Variants in PLEKHA5 observed in about 807,000 individuals in gnomAD.
PLEKHA5 encodes the protein pleckstrin homology domain-containing family A member 5.
A neutral mutation model predicts 181.9 loss-of-function variants in PLEKHA5; 55 were observed. The ratio of observed to expected loss-of-function variants is 0.30; its 90% CI spans 0.24 to 0.38. PLEKHA5 has a LOEUF of 0.38. Among genes scored for constraint, PLEKHA5 ranks in the 10% least tolerant of loss-of-function variants. PLEKHA5 has a pLI of 1.00. For synonymous variants in PLEKHA5, 535 were observed against 529.4 expected (o/e 1.01, Z -0.15); for missense variants, 1,432 against 1,549.5 (o/e 0.92, Z 1.27).
At chr12:19,225,059 G>A (rs2059505063) in intron 3 of PLEKHA5, among the ~76,000 whole-genome samples, 2 of 152,138 alleles carry the variant, frequency 1.3e-5, no homozygotes, top group South Asian at 4.1e-4. Flanking sequence ...GCCACAACGG[G>A]ATGGCAGTTT....
intron 3 of PLEKHA5, among the ~76,000 whole-genome samples, chr12:19,221,955 T>A (rs1316116648): frequency 6.6e-6 from 1 of 152,040 alleles, no homozygotes; most frequent in Non-Finnish European, 1.5e-5. Context: ...CAATTGACTT[T>A]AGTTAATTTT....
chr12:19,165,551 T>C (rs2044150486), intron 3 of PLEKHA5, among the ~76,000 whole-genome samples: 1 of 151,946 alleles, frequency 6.6e-6, no homozygotes, highest in Admixed American at 6.6e-5. Flanking sequence ...TTTTAGAGAG[T>C]GTTTATTTAA....
chr12:19,250,274 A>G (rs1592202937), intron 3 of PLEKHA5, among the ~76,000 whole-genome samples: 2 of 152,168 alleles, frequency 1.3e-5, no homozygotes, highest in South Asian at 4.1e-4. Flanking sequence ...CTGTGACCAT[A>G]GGTATGTATT....
At chr12:19,339,234 T>G (rs1388099211) in intron 21 of PLEKHA5, among the ~76,000 whole-genome samples, 1 of 152,048 alleles carries the variant, frequency 6.6e-6, no homozygotes, top group Non-Finnish European at 1.5e-5. Context: ...AGAGACAAGG[T>G]TTCACCATGT....
chr12:19,308,362 G>A (rs1410670483), intron 15 of PLEKHA5, among the ~76,000 whole-genome samples: 1 of 152,114 alleles, frequency 6.6e-6, no homozygotes, highest in African/African-American at 2.4e-5. Context: ...GTTATTAATG[G>A]TTATAAAGCT....
At chr12:19,215,865 C>CA (rs919877103) in intron 3 of PLEKHA5, among the ~76,000 whole-genome samples, 84 of 152,218 alleles carry the variant, frequency 5.5e-4, no homozygotes, top group African/African-American at 2.0e-3. Context: ...CCCCAACTTA[C>CA]AAATAAGATG....
At chr12:19,254,046 T>G in intron 4 of PLEKHA5, 23 bp downstream of exon 4, 1 of 1,376,756 alleles carries the variant, frequency 7.3e-7, no homozygotes, top group African/African-American at 1.4e-5. Context: ...TTTCATGGAA[T>G]GCCTGTATTC....
At chr12:19,132,773 C>CTTTTTTTTTTT (rs59992820) in intron 3 of PLEKHA5, among the ~76,000 whole-genome samples, 1 of 112,122 alleles carries the variant, frequency 8.9e-6, no homozygotes, top group Non-Finnish European at 1.7e-5. Context: ...CCACAATTAC[C>CTTTTTTTTTTT]TTTTTTTTTT....
intron 3 of PLEKHA5, among the ~76,000 whole-genome samples, chr12:19,171,288 A>C (rs2045832904): frequency 6.6e-6 from 1 of 152,192 alleles, no homozygotes; most frequent in African/African-American, 2.4e-5. Flanking sequence ...GGACTGAGGA[A>C]GATGAAGATA....
chr12:19,368,991 GA>G (rs1347290489), intron 30 of PLEKHA5, among the ~76,000 whole-genome samples: 12 of 148,730 alleles, frequency 8.1e-5, no homozygotes, highest in East Asian at 2.0e-4. Context: ...CCTCAAAGCA[GA>G]AAAAAAAAAT....
intron 20 of PLEKHA5, among the ~76,000 whole-genome samples, chr12:19,327,944 TA>T (rs2092408851): frequency 6.6e-6 from 1 of 152,140 alleles, no homozygotes. Context: ...CATGCCTGGC[TA>T]AAGGATTCTT....
At chr12:19,164,197 GTT>G (rs59712166) in intron 3 of PLEKHA5, among the ~76,000 whole-genome samples, 1,003 of 92,850 alleles carry the variant, frequency 0.011, no homozygotes, top group Non-Finnish European at 0.016. Flanking sequence ...AGATGTTTTT[GTT>G]TTTTTTTTTT....
chr12:19,368,490 T>C (rs925569163), intron 30 of PLEKHA5, among the ~76,000 whole-genome samples: 1 of 151,932 alleles, frequency 6.6e-6, no homozygotes, highest in Admixed American at 6.6e-5. Flanking sequence ...AGCAAGACCC[T>C]GTCTCAAAAA....
At chr12:19,369,202 T>C (rs372145636) in intron 30 of PLEKHA5, among the ~76,000 whole-genome samples, 32 of 151,950 alleles carry the variant, frequency 2.1e-4, no homozygotes, top group African/African-American at 7.7e-4. Flanking sequence ...GTCTGACTAA[T>C]TTTTGTATTT....
intron 3 of PLEKHA5, among the ~76,000 whole-genome samples, chr12:19,182,935 C>T (rs1357753958): frequency 1.3e-5 from 2 of 152,282 alleles, no homozygotes; most frequent in Admixed American, 6.5e-5. Flanking sequence ...AATGTTTAAA[C>T]GTCCCACAAA....
intron 3 of PLEKHA5, among the ~76,000 whole-genome samples, chr12:19,251,279 G>A (rs995250633): frequency 2.0e-5 from 3 of 151,714 alleles, no homozygotes; most frequent in African/African-American, 4.8e-5. Flanking sequence ...GGTGACACAC[G>A]CTCGTAATCC....
chr12:19,257,935 T>C (rs2067292401), intron 6 of PLEKHA5, among the ~76,000 whole-genome samples: 1 of 151,988 alleles, frequency 6.6e-6, no homozygotes, highest in Non-Finnish European at 1.5e-5. Flanking sequence ...AAATATACAG[T>C]TGTATATTTC....
At chr12:19,262,506 TG>T (rs2068820847) in intron 7 of PLEKHA5, among the ~76,000 whole-genome samples, 1 of 152,204 alleles carries the variant, frequency 6.6e-6, no homozygotes, top group South Asian at 2.1e-4. Flanking sequence ...CCCAAAGTGC[TG>T]GGATTACAGG....
At chr12:19,271,440 G>C (rs1219012298) in intron 10 of PLEKHA5, among the ~76,000 whole-genome samples, 1 of 152,076 alleles carries the variant, frequency 6.6e-6, no homozygotes, top group African/African-American at 2.4e-5. Context: ...GGAGGTTGAG[G>C]CTGCTGTGAG....
Sources: allele counts gnomAD v4.1 joint callset (sites outside exome capture counted in the v4.1 genomes callset), GRCh38; gene constraint gnomAD v4.1.1; transcripts MANE v1.5; gene names NCBI Gene and HGNC (gene_info 2026-07-23, HGNC 2026-07-21).